Variants in ADGRB3 observed in about 807,000 individuals in gnomAD.
ADGRB3 encodes brain-specific angiogenesis inhibitor 3.
ADGRB3 carries 37 observed loss-of-function variants against 193.4 expected under a neutral mutation model. The observed-to-expected ratio is 0.19, with a 90% CI of 0.15 to 0.25. ADGRB3 has a LOEUF of 0.25. ADGRB3 is among the 10% of genes least tolerant of loss of function. ADGRB3 has a pLI of 1.00. For synonymous variants in ADGRB3, 690 were observed against 644.2 expected, an observed-to-expected ratio of 1.07 and a Z score of -1.08; for missense variants, 1,637 against 1,852.9, an observed-to-expected ratio of 0.88 and a Z score of 2.14.
At chr6:69,352,302 C>G (rs1247635127) in intron 26 of ADGRB3, among the ~76,000 whole-genome samples, 1 of 152,112 alleles carries the variant, frequency 6.6e-6, no homozygotes, top group Non-Finnish European at 1.5e-5. Context: ...AGTTGTGTCT[C>G]CTTTACCAGG....
At chr6:69,169,994 G>A (rs1367511005) in intron 17 of ADGRB3, among the ~76,000 whole-genome samples, 2 of 152,042 alleles carry the variant, frequency 1.3e-5, no homozygotes, top group Non-Finnish European at 2.9e-5. Flanking sequence ...AAGTCAGATC[G>A]AGAAAACCAT....
chr6:68,875,960 A>G (rs763124590), intron 3 of ADGRB3, among the ~76,000 whole-genome samples: 1 of 152,156 alleles, frequency 6.6e-6, no homozygotes, highest in Non-Finnish European at 1.5e-5. Flanking sequence ...AGTGTTTTCA[A>G]TTTAATGCTA....
chr6:69,379,480 AG>A (rs1451619221), intron 30 of ADGRB3, among the ~76,000 whole-genome samples: 9 of 152,036 alleles, frequency 5.9e-5, no homozygotes, highest in Admixed American at 2.0e-4. Context: ...TACTCACACA[AG>A]TAAATAAATA....
At chr6:69,188,145 G>A (rs1318417721) in intron 17 of ADGRB3, among the ~76,000 whole-genome samples, 3 of 152,054 alleles carry the variant, frequency 2.0e-5, no homozygotes, top group Non-Finnish European at 2.9e-5. Flanking sequence ...ATGGAATGAG[G>A]CCCAGATTCA....
At chr6:69,068,800 G>C (rs1771987245) in intron 16 of ADGRB3, among the ~76,000 whole-genome samples, 1 of 152,162 alleles carries the variant, frequency 6.6e-6, no homozygotes, top group South Asian at 2.1e-4. Context: ...CCCTCTCCTT[G>C]TATTCCAATC....
intron 15 of ADGRB3, among the ~76,000 whole-genome samples, chr6:69,058,007 A>T (rs1208381358): frequency 1.3e-5 from 2 of 151,790 alleles, no homozygotes; most frequent in African/African-American, 4.8e-5. Context: ...TTTGAGAATG[A>T]GTTGTGTTTA....
At chr6:69,066,132 C>T (rs998382142) in intron 16 of ADGRB3, among the ~76,000 whole-genome samples, 1 of 151,460 alleles carries the variant, frequency 6.6e-6, no homozygotes, top group Non-Finnish European at 1.5e-5. Flanking sequence ...AATACAAACA[C>T]ACCCATCCCC....
intron 5 of ADGRB3, among the ~76,000 whole-genome samples, chr6:68,942,369 A>C (rs1562094663): frequency 2.0e-5 from 3 of 152,130 alleles, no homozygotes; most frequent in Admixed American, 6.6e-5. Flanking sequence ...TCCTCTATAA[A>C]TTTCTACTCT....
At chr6:69,318,451 C>T (rs1768366525) in intron 20 of ADGRB3, among the ~76,000 whole-genome samples, 1 of 151,208 alleles carries the variant, frequency 6.6e-6, no homozygotes, top group African/African-American at 2.4e-5. Flanking sequence ...GATTTATTAT[C>T]CTTTTACTGT....
intron 3 of ADGRB3, among the ~76,000 whole-genome samples, chr6:68,694,736 C>T (rs746100650): frequency 7.9e-5 from 12 of 152,024 alleles, no homozygotes; most frequent in Non-Finnish European, 1.3e-4. Context: ...ACTTTCCTAA[C>T]TCCCAATAAC....
chr6:68,897,506 A>AAGGAAGGAAGGAAGGGAGGAAGGAAAG (rs1766258189), intron 3 of ADGRB3, among the ~76,000 whole-genome samples: 1 of 28,996 alleles, frequency 3.4e-5, no homozygotes, highest in Non-Finnish European at 6.4e-5. Flanking sequence ...AGGGAAGAGG[A>AAGGAAGGAAGGAAGGGAGGAAGGAAAG]AGGAAGGAAG....
At chr6:69,229,859 G>C (rs1011155894) in intron 17 of ADGRB3, among the ~76,000 whole-genome samples, 5 of 152,178 alleles carry the variant, frequency 3.3e-5, no homozygotes, top group African/African-American at 1.2e-4. Flanking sequence ...GGAAACCGGG[G>C]AAAGGCATCA....
chr6:68,967,431 G>A (rs138950355), intron 8 of ADGRB3, among the ~76,000 whole-genome samples: 169 of 152,038 alleles, frequency 1.1e-3, no homozygotes, highest in African/African-American at 3.9e-3. Flanking sequence ...TCTAAAAAAT[G>A]GTCCTATAGG....
chr6:68,791,981 G>C (rs956319738), intron 3 of ADGRB3, among the ~76,000 whole-genome samples: 1 of 152,030 alleles, frequency 6.6e-6, no homozygotes, highest in African/African-American at 2.4e-5. Context: ...GGTCAGCCAG[G>C]GCAGTGTCAG....
At chr6:69,026,813 A>T (rs1417077643) in intron 13 of ADGRB3, among the ~76,000 whole-genome samples, 1 of 152,184 alleles carries the variant, frequency 6.6e-6, no homozygotes, top group Non-Finnish European at 1.5e-5. Flanking sequence ...AACGTAGATA[A>T]GCTGTAGTAC....
Position 68,796,676 on chromosome 6 carries a change from A to T in ADGRB3, c.758-133883A>T, listed in dbSNP as rs146972352. ...CCAAGTTCCGAAATCTGTGCAATGC[A>T]ATGTTTGCTTCTAAAACTTCTGGTG... On this transcript the variant is annotated intron_variant, in intron 3 of 31. Coordinates refer to ENST00000370598, the MANE Select transcript of ADGRB3 (RefSeq NM_001704.3). Among the ~76,000 whole-genome samples, 686 of 152,284 alleles carry T rather than the reference A, an allele frequency of 4.5e-3. 4 individuals are homozygous for T. The highest frequency in any genetic ancestry group is 8.4e-3 in the Non-Finnish European group (570 of 68,022).
chr6:69,210,171 A>ATATATATATATAT (rs1561953604), intron 17 of ADGRB3, among the ~76,000 whole-genome samples: 1 of 39,376 alleles, frequency 2.5e-5, no homozygotes, highest in Admixed American at 2.3e-4. Context: ...TATATATATA[A>ATATATATATATAT]AGGGGAGTTT....
At chr6:68,813,545 CTTA>C (rs1429794016) in intron 3 of ADGRB3, among the ~76,000 whole-genome samples, 5 of 151,566 alleles carry the variant, frequency 3.3e-5, no homozygotes, top group Non-Finnish European at 7.4e-5. Context: ...AGGAATTTGA[CTTA>C]TTATGAATAA....
rs1582636757 is a variant in ADGRB3, at chr6:69,330,768, G to T, written c.3102+196G>T. ...AAATATTCTTATTTTGAATACTGAAGAATATTAAACTGGGAGTGTGGTATT... is the reference window on the plus strand; with the variant it reads ...AAATATTCTTATTTTGAATACTGAATAATATTAAACTGGGAGTGTGGTATT... On this transcript the variant is annotated intron_variant, in intron 23 of 31. Coordinates refer to ENST00000370598, the MANE Select transcript of ADGRB3 (RefSeq NM_001704.3). Among the ~76,000 whole-genome samples the T allele has an allele frequency of 1.3e-5, 2 of 152,052 alleles. 1 individual carries two copies. Among genetic ancestry groups the T allele is most frequent in the South Asian group, 4.1e-4 (2 of 4,826 alleles).
Sources: allele counts gnomAD v4.1 joint callset (sites outside exome capture counted in the v4.1 genomes callset), GRCh38; gene constraint gnomAD v4.1.1; transcripts MANE v1.5; gene names NCBI Gene and HGNC (gene_info 2026-07-23, HGNC 2026-07-21).